The following ELAVL2 variants were observed in gnomAD, a reference collection of about 807,000 sequenced individuals.
ELAVL2 encodes ELAV like RNA binding protein 2.
ELAVL2 carries 4 observed loss-of-function variants against 34.6 expected under a neutral mutation model. That is an observed-to-expected ratio of 0.12 (90% CI 0.06 to 0.26). The LOEUF is 0.26. ELAVL2 is among the 10% of genes least tolerant of loss of function. ELAVL2 has a pLI of 1.00. For missense variants in ELAVL2, 432 were observed against 442.8 expected, an observed-to-expected ratio of 0.98 and a Z score of 0.22; for synonymous variants, 193 against 154.8, an observed-to-expected ratio of 1.25 and a Z score of -1.83.
chr9:23,785,232 C>T (rs2059541823), intron 1 of ELAVL2, among the ~76,000 whole-genome samples: 1 of 152,184 alleles, frequency 6.6e-6, no homozygotes, highest in Non-Finnish European at 1.5e-5. Context: ...CCAGAGTTCA[C>T]AGCAGCACTG....
chr9:23,772,909 T>C (rs915545534), intron 1 of ELAVL2, among the ~76,000 whole-genome samples: 2 of 152,202 alleles, frequency 1.3e-5, no homozygotes, highest in Non-Finnish European at 2.9e-5. Flanking sequence ...CACCCTAAGA[T>C]AGTAACTTTA....
chr9:23,741,381 C>T (rs866964756), intron 2 of ELAVL2, among the ~76,000 whole-genome samples: 2 of 152,124 alleles, frequency 1.3e-5, no homozygotes, highest in East Asian at 1.9e-4. Flanking sequence ...AGGAGGCACA[C>T]GAGGGACCCA....
rs2032841902 is a variant in ELAVL2 at position 23,690,546 on chromosome 9, T to G, written c.*2011A>C. On this transcript the variant is annotated 3_prime_UTR_variant, in exon 7 of 7. Transcript: ENST00000397312. ...CAATTGATTTCTGAATAGCATTGAG[T>G]GGGTCAGCATGAAAACTCGCTTATT... 6.6e-6 allele frequency: 1 copy of G among 152,478 alleles called. No individual in the cohort carries two copies. The highest frequency in any genetic ancestry group is 2.1e-4 in the South Asian group (1 of 4,824). 9.4% of individuals were successfully genotyped at this position (152,478 alleles called of 1,614,324 possible). A position where few individuals can be genotyped will look rare whatever the true frequency, so the allele number is the denominator to read the frequency against.
intron 1 of ELAVL2, among the ~76,000 whole-genome samples, chr9:23,806,212 T>C (rs188869754): frequency 3.0e-4 from 46 of 152,300 alleles, no homozygotes; most frequent in African/African-American, 9.9e-4. Flanking sequence ...ATGTAAGTTA[T>C]ACAACTTCAT....
intron 2 of ELAVL2, among the ~76,000 whole-genome samples, chr9:23,741,845 A>G (rs1449240872): frequency 1.3e-5 from 2 of 152,298 alleles, no homozygotes; most frequent in African/African-American, 2.4e-5. Flanking sequence ...CTAGTTTGCC[A>G]TCTTCTCAGT....
At chr9:23,794,649 T>A (rs915803580) in intron 1 of ELAVL2, among the ~76,000 whole-genome samples, 1 of 152,328 alleles carries the variant, frequency 6.6e-6, no homozygotes, top group Non-Finnish European at 1.5e-5. Flanking sequence ...CCAGACTAAT[T>A]ATTAAAATTA....
Position 23,699,812 on chromosome 9 carries a change from GTTTTTTTTTTTTT to G in ELAVL2, c.713+1554_713+1566del, listed in dbSNP as rs199637833. On this transcript the variant is annotated intron_variant, in intron 5 of 6. Transcript: ENST00000397312. ...CCATGGGAAGTCAAAGGTGGCAAAGGTTTTTTTTTTTTTTTTTTTTTTTTTTTTTTTTTTTTTT... is the reference window on the plus strand; with the variant it reads ...CCATGGGAAGTCAAAGGTGGCAAAGGTTTTTTTTTTTTTTTTTTTTTTTTT... Among the ~76,000 whole-genome samples, 262 of 82,914 alleles carry G rather than the reference GTTTTTTTTTTTTT, an allele frequency of 3.2e-3. 1 individual carries two copies. Among genetic ancestry groups the G allele is most frequent in the African/African-American group, 9.7e-3 (223 of 22,872 alleles). 54.4% of individuals were successfully genotyped at this position (82,914 alleles called of 152,430 possible).
intron 4 of ELAVL2, among the ~76,000 whole-genome samples, chr9:23,704,175 G>GC (rs1034490090): frequency 1.7e-5 from 2 of 118,394 alleles, no homozygotes; most frequent in Non-Finnish European, 3.8e-5. Flanking sequence ...CAGGTGATCC[G>GC]CCCTCCTTGG....
rs376543674 is a variant in ELAVL2, at chr9:23,701,372, G to C, written c.713+7C>G. ...GTAGCTGGGCACAAGAACCAAACCA[G>C]ACTTACCTAAAACGCTGTGCCTGCT... On this transcript the variant is annotated splice_region_variant and intron_variant, in intron 5 of 6. Transcript: ENST00000397312. The C allele has an allele frequency of 3.1e-6, 5 of 1,613,896 alleles. No individual in the cohort carries two copies. The highest frequency in any genetic ancestry group is 2.2e-5 in the East Asian group (1 of 44,876).
chr9:23,843,580 T>C, the ELAVL2 span, among the ~76,000 whole-genome samples: 30 of 152,232 alleles, frequency 2.0e-4, no homozygotes, highest in Middle Eastern at 3.4e-3. Context: ...ATTGCTTAAA[T>C]TGATAATCTA....
chr9:23,795,019 T>C (rs1351970377), intron 1 of ELAVL2, among the ~76,000 whole-genome samples: 1 of 152,208 alleles, frequency 6.6e-6, no homozygotes, highest in Non-Finnish European at 1.5e-5. Flanking sequence ...ACATGCCTTA[T>C]AATAGCTTTT....
chr9:23,821,862 G>A (rs887031929), intron 1 of ELAVL2: 5 of 151,454 alleles, frequency 3.3e-5, no homozygotes, highest in Admixed American at 6.6e-5. Flanking sequence ...GGGGCGGGAA[G>A]GAGGGGCTTG....
intron 2 of ELAVL2, among the ~76,000 whole-genome samples, chr9:23,736,705 C>T (rs993878977): frequency 6.6e-6 from 1 of 152,176 alleles, no homozygotes; most frequent in African/African-American, 2.4e-5. Flanking sequence ...ATTATTCTGG[C>T]CCTGATCACT....
chr9:23,720,982 C>A (rs2043551298), intron 3 of ELAVL2, among the ~76,000 whole-genome samples: 1 of 152,162 alleles, frequency 6.6e-6, no homozygotes, highest in South Asian at 2.1e-4. Flanking sequence ...AAAGTGTTGG[C>A]AGTCTCTTGT....
upstream of ELAVL2, among the ~76,000 whole-genome samples, chr9:23,830,989 A>G (rs982056373): frequency 6.6e-6 from 1 of 152,186 alleles, no homozygotes; most frequent in African/African-American, 2.4e-5. Context: ...AGCCTTCTTT[A>G]AGCTTCCCCC....
chr9:23,733,558 G>A (rs1034736479), intron 2 of ELAVL2, among the ~76,000 whole-genome samples: 2 of 152,282 alleles, frequency 1.3e-5, no homozygotes, highest in African/African-American at 2.4e-5. Context: ...TTAGGTACAC[G>A]TGGATGTGTT....
intron 1 of ELAVL2, among the ~76,000 whole-genome samples, chr9:23,794,028 C>A (rs1265883856): frequency 6.6e-6 from 1 of 152,136 alleles, no homozygotes; most frequent in African/African-American, 2.4e-5. Flanking sequence ...ATATAGAAAC[C>A]CAACCAGAAT....
At chr9:23,722,682 C>A (rs1287102152) in intron 3 of ELAVL2, among the ~76,000 whole-genome samples, 8 of 152,246 alleles carry the variant, frequency 5.3e-5, no homozygotes, top group Non-Finnish European at 2.9e-5. Context: ...CATCAGCCAA[C>A]ATGATACTAC....
At chr9:23,781,633 G>A (rs2059078602) in intron 1 of ELAVL2, among the ~76,000 whole-genome samples, 1 of 150,500 alleles carries the variant, frequency 6.6e-6, no homozygotes, top group Admixed American at 6.7e-5. Context: ...TCCTACCTCA[G>A]CCTCTTGAGT....
Sources: gnomAD v4.1 joint callset for allele counts (sites outside exome capture counted in the v4.1 genomes callset) on GRCh38, gnomAD v4.1.1 for gene constraint, MANE v1.5 for transcripts, NCBI Gene and HGNC (gene_info 2026-07-23, HGNC 2026-07-21) for gene names.